PTDSS1: variants seen among roughly 807,000 people sequenced by gnomAD.
PTDSS1 encodes the protein phosphatidylserine synthase 1, also known as PSS-1.
Under a neutral mutation model 70.5 loss-of-function variants are expected in PTDSS1, and 45 were observed. The ratio of observed to expected loss-of-function variants is 0.64; its 90% CI spans 0.50 to 0.82. The LOEUF (loss-of-function observed/expected upper bound fraction) is 0.82, where lower values mean the gene tolerates loss of function less well. PTDSS1 is among the 40% of genes least tolerant of loss of function. PTDSS1 has a pLI of 0.00. For synonymous variants in PTDSS1, 188 were observed against 203.8 expected (o/e 0.92, Z 0.66); for missense variants, 417 against 586.1 (o/e 0.71, Z 2.98).
At chr8:96,264,087 A>G (rs1239021026) in intron 1 of PTDSS1, among the ~76,000 whole-genome samples, 1 of 152,216 alleles carries the variant, frequency 6.6e-6, no homozygotes, top group Admixed American at 6.5e-5. Context: ...TTTCCACAGT[A>G]CCTGACCAGA....
At chr8:96,281,361 T>C (rs1012902563) in intron 2 of PTDSS1, among the ~76,000 whole-genome samples, 3 of 152,142 alleles carry the variant, frequency 2.0e-5, no homozygotes, top group Non-Finnish European at 4.4e-5. Flanking sequence ...GGCGGCAGAT[T>C]TGATGGTTGA....
At chr8:96,321,594 A>G (rs1811373194) in intron 10 of PTDSS1, among the ~76,000 whole-genome samples, 1 of 152,178 alleles carries the variant, frequency 6.6e-6, no homozygotes, top group African/African-American at 2.4e-5. Context: ...CTTGTAATTT[A>G]ACATATTTCT....
At position 96,262,006 on chromosome 8, in the gene PTDSS1, G is replaced by A; in HGVS notation, c.-35G>A. 1 of 1,593,446 alleles carries A rather than the reference G, an allele frequency of 6.3e-7. No homozygotes were observed. Among genetic ancestry groups the A allele is most frequent in the Non-Finnish European group, 8.6e-7 (1 of 1,169,060 alleles). On this transcript the variant is annotated 5_prime_UTR_variant, in exon 1 of 13. Coordinates refer to ENST00000517309, the MANE Select transcript of PTDSS1 (RefSeq NM_014754.3). This position sits in a 1 kb window ranked among gnomAD's most constrained non-coding sequence, Gnocchi z 4.4. The stretch of plus-strand genomic sequence containing the variant: ...GGGGTCCCGGCCTTCTCGGGCTGGG[G>A]CCGCCGCCACCGCGGCAGGACGGGG...
chr8:96,276,385 A>G (rs1810641209), intron 2 of PTDSS1, among the ~76,000 whole-genome samples: 1 of 152,210 alleles, frequency 6.6e-6, no homozygotes, highest in African/African-American at 2.4e-5. Context: ...AGTTGACTTC[A>G]GCTGCTCAAT....
intron 1 of PTDSS1, among the ~76,000 whole-genome samples, chr8:96,271,476 T>C (rs979916544): frequency 6.6e-6 from 1 of 152,230 alleles, no homozygotes; most frequent in Non-Finnish European, 1.5e-5. Context: ...TGCTTCCAAC[T>C]TTTTAAGAAT....
chr8:96,302,191 C>T (rs1008152548), intron 6 of PTDSS1, among the ~76,000 whole-genome samples: 1 of 151,952 alleles, frequency 6.6e-6, no homozygotes, highest in African/African-American at 2.4e-5. Flanking sequence ...ACCACCACAC[C>T]CAGCTAATTT....
rs530280488 is a variant in PTDSS1, at chr8:96,305,904, C to T, written c.895-540C>T. Among the ~76,000 whole-genome samples, 324 of 152,304 alleles carry T rather than the reference C, an allele frequency of 2.1e-3. 1 individual carries two copies. Among genetic ancestry groups the T allele is most frequent in the Non-Finnish European group, 3.3e-3 (225 of 68,024 alleles). ...CCATGTTGGCCAGGCTGGTCTCAAA[C>T]AACTTACCTCAGGCGATCTGCCCGC... is the stretch of plus-strand genomic sequence containing the variant. On this transcript the variant is annotated intron_variant, in intron 7 of 12. Transcript: ENST00000517309.
rs574431959 is a variant in PTDSS1 at position 96,285,641 on chromosome 8, G to A, written c.317-1381G>A. 2.0e-5 allele frequency among the ~76,000 whole-genome samples: 3 copies of A among 152,262 alleles called. No homozygotes were observed. The East Asian group carries it at 5.8e-4, about 29-fold the overall frequency. On this transcript the variant is annotated intron_variant, in intron 3 of 12. Coordinates refer to ENST00000517309, the MANE Select transcript of PTDSS1 (RefSeq NM_014754.3). Reference sequence around the variant, plus strand: ...AAGCAGTTTTATTTCCTTCTTGAGAGCCTTTGGGAGCATGGAGCCCTTTGA... The same window carrying A: ...AAGCAGTTTTATTTCCTTCTTGAGAACCTTTGGGAGCATGGAGCCCTTTGA...
At chr8:96,299,564 G>C in intron 5 of PTDSS1, 130 bp from the exon 6 acceptor site, 1 of 1,017,256 alleles carries the variant, frequency 9.8e-7, no homozygotes, top group Non-Finnish European at 1.4e-6. Context: ...GTTATTTTCT[G>C]TACATTAGGA....
In PTDSS1 at chr8:96,314,073, T is replaced by C. The variant is rs532102850; in HGVS notation, c.1073+4451T>C. On this transcript the variant is annotated intron_variant, in intron 9 of 12. Coordinates refer to ENST00000517309, the MANE Select transcript of PTDSS1 (RefSeq NM_014754.3). ...ATTTTATTTCTTTTGAGACAGGGTC[T>C]TGCTGTGTTGCCCAGGCTGGAGTTG... Among the ~76,000 whole-genome samples the C allele has an allele frequency of 2.0e-5, 3 of 152,298 alleles. No individual in the cohort carries two copies. In the East Asian group the frequency reaches 5.8e-4, roughly 29 times the overall value.
intron 9 of PTDSS1, among the ~76,000 whole-genome samples, chr8:96,310,217 G>T (rs1358290123): frequency 3.5e-4 from 53 of 150,514 alleles, no homozygotes; most frequent in Non-Finnish European, 6.2e-4. Context: ...CAGGCTGGAG[G>T]GCAGTGGCAT....
intron 10 of PTDSS1, among the ~76,000 whole-genome samples, chr8:96,323,811 C>T (rs1053106368): frequency 1.3e-5 from 2 of 152,236 alleles, no homozygotes; most frequent in African/African-American, 4.8e-5. Flanking sequence ...CGTGGCCCCA[C>T]CCTTAGTGTT....
At chr8:96,306,405 A>T (rs1811124779) in intron 7 of PTDSS1, 39 bp from the exon 8 acceptor site, 1 of 1,403,918 alleles carries the variant, frequency 7.1e-7, no homozygotes, top group Non-Finnish European at 1.0e-6. Context: ...TTGAATTAGC[A>T]TGAGGTACCA....
intron 2 of PTDSS1, among the ~76,000 whole-genome samples, chr8:96,282,627 G>C (rs1020816464): frequency 6.6e-6 from 1 of 152,204 alleles, no homozygotes; most frequent in African/African-American, 2.4e-5. Flanking sequence ...GAATGGTGGG[G>C]GGTACTTGTA....
chr8:96,329,144 G>A (rs1314492613), intron 10 of PTDSS1, among the ~76,000 whole-genome samples: 1 of 152,156 alleles, frequency 6.6e-6, no homozygotes, highest in Non-Finnish European at 1.5e-5. Context: ...TCTCACAGCT[G>A]TCCCCACAGT....
intron 8 of PTDSS1, among the ~76,000 whole-genome samples, chr8:96,308,139 T>A (rs1422872605): frequency 1.3e-5 from 2 of 152,232 alleles, no homozygotes; most frequent in Non-Finnish European, 2.9e-5. Context: ...GTGTAAATCC[T>A]AACATCTCCA....
Position 96,333,827 on chromosome 8 carries a change from C to T in PTDSS1, c.*261C>T, listed in dbSNP as rs1041670296. 1 of 681,838 alleles carries T rather than the reference C, an allele frequency of 1.5e-6. No individual in the cohort carries two copies. Among genetic ancestry groups the T allele is most frequent in the Admixed American group, 2.2e-5 (1 of 46,144 alleles). 42.2% of individuals were successfully genotyped at this position (681,838 alleles called of 1,614,324 possible). A position where few individuals can be genotyped will look rare whatever the true frequency, so the allele number is the denominator to read the frequency against. On this transcript the variant is annotated 3_prime_UTR_variant, in exon 13 of 13. Transcript: ENST00000517309. ...TGACATGCGGTCACCGGTGGCAGCG[C>T]GGTGTGTTGAAGGGAAACGGTAGCT...
chr8:96,318,443 C>T (rs1035705313), intron 9 of PTDSS1, among the ~76,000 whole-genome samples: 5 of 152,186 alleles, frequency 3.3e-5, no homozygotes, highest in Non-Finnish European at 5.9e-5. Flanking sequence ...GGGCTCAACA[C>T]TCCCATCATA....
intron 4 of PTDSS1, among the ~76,000 whole-genome samples, chr8:96,287,851 G>A (rs564324113): frequency 5.9e-5 from 9 of 152,180 alleles, no homozygotes; most frequent in Non-Finnish European, 8.8e-5. Flanking sequence ...CTTCACTGAC[G>A]GTGAACACTT....
Sources: allele counts gnomAD v4.1 joint callset (sites outside exome capture counted in the v4.1 genomes callset), GRCh38; gene constraint gnomAD v4.1.1; non-coding constraint Gnocchi (gnomAD v3.1); transcripts MANE v1.5; gene names NCBI Gene and HGNC (gene_info 2026-07-23, HGNC 2026-07-21).